The following REC114 variants were observed in gnomAD, a reference collection of about 807,000 sequenced individuals.
REC114 encodes REC114 meiotic recombination protein.
Under a neutral mutation model 31.3 loss-of-function variants are expected in REC114, and 27 were observed. The observed-to-expected ratio is 0.86, with a 90% confidence interval of 0.64 to 1.19. The LOEUF is 1.19. Ranked by LOEUF, REC114 falls within the 50% of genes most tolerant of loss-of-function variation. The pLI is 0.00. For synonymous variants in REC114, 134 were observed against 127.7 expected, an observed-to-expected ratio of 1.05 and a Z score of -0.33; for missense variants, 344 against 326.9, an observed-to-expected ratio of 1.05 and a Z score of -0.40.
intron 1 of REC114, among the ~76,000 whole-genome samples, chr15:73,446,284 C>T (rs1892763594): frequency 6.6e-6 from 1 of 152,128 alleles, no homozygotes; most frequent in Non-Finnish European, 1.5e-5. Flanking sequence ...CATGTGTGCA[C>T]ACATGCATAC....
chr15:73,463,724 G>A (rs1379077688), intron 1 of REC114, among the ~76,000 whole-genome samples: 1 of 152,038 alleles, frequency 6.6e-6, no homozygotes, highest in Non-Finnish European at 1.5e-5. Context: ...GGGATGCTGA[G>A]GCAGGAGAAT....
chr15:73,484,814 A>G (rs994828001), intron 2 of REC114, among the ~76,000 whole-genome samples: 12 of 152,214 alleles, frequency 7.9e-5, no homozygotes, highest in African/African-American at 2.7e-4. Context: ...TCTGGAAAAC[A>G]TGGGTCATTC....
chr15:73,524,933 G>C (rs1035037275), intron 2 of REC114, among the ~76,000 whole-genome samples: 3 of 152,156 alleles, frequency 2.0e-5, no homozygotes, highest in Non-Finnish European at 4.4e-5. Context: ...TTTTTAACAA[G>C]TGGGATCTAG....
intron 2 of REC114, among the ~76,000 whole-genome samples, chr15:73,493,660 GTTTACATTTCTGTTCAT>G (rs1271242240): frequency 6.6e-6 from 1 of 152,122 alleles, no homozygotes. Flanking sequence ...GCTAATATAA[GTTTACATTTCTGTTCAT>G]TGATCTAGAA....
chr15:73,518,246 T>C (rs1365828158), intron 2 of REC114, among the ~76,000 whole-genome samples: 2 of 152,204 alleles, frequency 1.3e-5, no homozygotes, highest in Admixed American at 1.3e-4. Context: ...TTAAACAAAG[T>C]AAATAACTTA....
intron 2 of REC114, among the ~76,000 whole-genome samples, chr15:73,482,987 C>G (rs1188659794): frequency 6.6e-6 from 1 of 151,086 alleles, no homozygotes. Context: ...GTTCCAGTTT[C>G]TCCACATCCT....
At chr15:73,516,261 TA>T (rs1233019307) in intron 2 of REC114, among the ~76,000 whole-genome samples, 2 of 151,890 alleles carry the variant, frequency 1.3e-5, no homozygotes, top group East Asian at 3.9e-4. Context: ...GCTGGAATTA[TA>T]AGTGTGAGCC....
At chr15:73,535,387 C>G (rs1240734959) in intron 2 of REC114, among the ~76,000 whole-genome samples, 2 of 151,974 alleles carry the variant, frequency 1.3e-5, no homozygotes, top group South Asian at 4.2e-4. Flanking sequence ...ACACCAGCAA[C>G]AGACAAACAG....
Position 73,502,169 on chromosome 15 carries a change from A to AT in REC114, c.249+28249dup, listed in dbSNP as rs1555487293. ...GACCTTGTCTCTTAAAAAAAAAAAAATGACAGAATGCCAGGAATTTTAGAT... is the reference window on the plus strand; with the variant it reads ...GACCTTGTCTCTTAAAAAAAAAAAAATTGACAGAATGCCAGGAATTTTAGAT... On this transcript the variant is annotated intron_variant, in intron 2 of 5. Coordinates refer to ENST00000331090, the MANE Select transcript of REC114 (RefSeq NM_001042367.2). 6.6e-5 allele frequency among the ~76,000 whole-genome samples: 10 copies of AT among 151,442 alleles called. 1 individual carries two copies. The highest frequency in any genetic ancestry group is 6.6e-4 in the Admixed American group (10 of 15,182).
chr15:73,504,413 T>C (rs1390392683), intron 2 of REC114, among the ~76,000 whole-genome samples: 2 of 152,204 alleles, frequency 1.3e-5, no homozygotes, highest in African/African-American at 4.8e-5. Context: ...GTTGTCCTTA[T>C]ACTAACCTTT....
intron 2 of REC114, among the ~76,000 whole-genome samples, chr15:73,508,897 A>G (rs12593161): frequency 0.026 from 3,926 of 151,222 alleles, 81 homozygotes; most frequent in African/African-American, 0.056. Context: ...TAATGCCGCA[A>G]TAAACATACG....
chr15:73,532,108 A>T (rs1894093874), intron 2 of REC114, among the ~76,000 whole-genome samples: 2 of 150,948 alleles, frequency 1.3e-5, no homozygotes, highest in Middle Eastern at 3.4e-3. Flanking sequence ...AGCATTAGGT[A>T]TATCTCCCGA....
At chr15:73,515,334 T>C (rs1893842789) in intron 2 of REC114, among the ~76,000 whole-genome samples, 1 of 152,236 alleles carries the variant, frequency 6.6e-6, no homozygotes, top group East Asian at 1.9e-4. Context: ...AGAACAATCA[T>C]ATGATTATTT....
chr15:73,459,660 C>G (rs757107321), intron 1 of REC114, among the ~76,000 whole-genome samples: 1 of 152,136 alleles, frequency 6.6e-6, no homozygotes, highest in African/African-American at 2.4e-5. Flanking sequence ...TATTCCTGGC[C>G]TCTTGAAGTT....
intron 1 of REC114, among the ~76,000 whole-genome samples, chr15:73,467,769 C>G (rs541663707): frequency 2.8e-4 from 43 of 152,288 alleles, no homozygotes; most frequent in African/African-American, 1.0e-3. Flanking sequence ...AAGCTATAAA[C>G]TTAGTGGCTT....
At chr15:73,506,416 T>G (rs975176464) in intron 2 of REC114, among the ~76,000 whole-genome samples, 1 of 152,160 alleles carries the variant, frequency 6.6e-6, no homozygotes, top group African/African-American at 2.4e-5. Flanking sequence ...CTGTTATAAT[T>G]ACTAATACTT....
intron 1 of REC114, among the ~76,000 whole-genome samples, chr15:73,449,250 A>G (rs192237116): frequency 6.6e-6 from 1 of 152,276 alleles, no homozygotes; most frequent in Non-Finnish European, 1.5e-5. Flanking sequence ...AGAACTTTGA[A>G]AAAAGGTTAG....
intron 2 of REC114, among the ~76,000 whole-genome samples, chr15:73,478,002 G>T (rs982720837): frequency 6.6e-6 from 1 of 151,928 alleles, no homozygotes; most frequent in Non-Finnish European, 1.5e-5. Flanking sequence ...GGTGGCTCAC[G>T]CCTGTAATCC....
chr15:73,471,611 A>G (rs886896345), intron 1 of REC114, among the ~76,000 whole-genome samples: 1 of 152,170 alleles, frequency 6.6e-6, no homozygotes, highest in African/African-American at 2.4e-5. Context: ...AGAGTAGTCT[A>G]AACTGGGGCT....
Sources: gnomAD v4.1 joint callset for allele counts (sites outside exome capture counted in the v4.1 genomes callset) on GRCh38, gnomAD v4.1.1 for gene constraint, MANE v1.5 for transcripts, NCBI Gene and HGNC (gene_info 2026-07-23, HGNC 2026-07-21) for gene names.